Variants in ZBTB46 observed in about 807,000 individuals in gnomAD.
ZBTB46 encodes zinc finger and BTB domain-containing protein 46.
In ZBTB46, 8 loss-of-function variants were observed where a neutral mutation model predicts 44.1. That is an observed-to-expected ratio of 0.18 (90% CI 0.11 to 0.33). ZBTB46 has a LOEUF of 0.33. Ranked by LOEUF, ZBTB46 falls within the 10% of genes least tolerant of loss-of-function variation. ZBTB46 has a pLI of 1.00. For synonymous variants in ZBTB46, 409 were observed against 382.3 expected (o/e 1.07, Z -0.81); for missense variants, 651 against 847.7 (o/e 0.77, Z 2.88).
intron 1 of ZBTB46, among the ~76,000 whole-genome samples, chr20:63,808,842 G>C (rs947905983): frequency 5.3e-5 from 8 of 151,880 alleles, no homozygotes; most frequent in African/African-American, 1.9e-4. Context: ...GCCGGGCGTG[G>C]TGGGGGCGCC....
At chr20:63,826,770 G>A (rs1021165496) in intron 1 of ZBTB46, among the ~76,000 whole-genome samples, 1 of 152,200 alleles carries the variant, frequency 6.6e-6, no homozygotes, top group African/African-American at 2.4e-5. Flanking sequence ...AAGACAGCGA[G>A]TGTCCTTGGG....
intron 3 of ZBTB46, chr20:63,769,528 T>C: frequency 1.2e-6 from 1 of 825,778 alleles, no homozygotes; most frequent in Non-Finnish European, 1.5e-6. Context: ...AGGCAGGTGT[T>C]TGAACGCTTT....
chr20:63,793,174 C>T (rs902355707), intron 1 of ZBTB46, among the ~76,000 whole-genome samples: 1 of 152,236 alleles, frequency 6.6e-6, no homozygotes, highest in African/African-American at 2.4e-5. Context: ...GGCCCCATCC[C>T]GCCCCACACT....
At chr20:63,804,010 CTTCT>C (rs1030834554) in intron 1 of ZBTB46, among the ~76,000 whole-genome samples, 2 of 152,314 alleles carry the variant, frequency 1.3e-5, no homozygotes, top group Admixed American at 6.5e-5. Flanking sequence ...ACGTCACTTC[CTTCT>C]GTCGGGCGTC....
rs2092516196 is a variant in ZBTB46 at position 63,786,585 on chromosome 20, C to A, written c.937+3236G>T. ...GGAGTGCAGTGGCGCGATCTCAGCT[C>A]ACCGCAACCTCCGCCTCCCTGGTTC... On this transcript the variant is annotated intron_variant, in intron 2 of 4. Coordinates refer to ENST00000245663, the MANE Select transcript of ZBTB46 (RefSeq NM_001369741.1). 2.0e-5 allele frequency among the ~76,000 whole-genome samples: 3 copies of A among 152,258 alleles called. No individual in the cohort carries two copies. In the South Asian group the frequency reaches 6.2e-4, roughly 32 times the overall value.
At position 63,767,883 on chromosome 20, in the gene ZBTB46, C is replaced by G; in HGVS notation, c.1222+7795G>C. The G allele has an allele frequency of 2.0e-6, 2 of 984,198 alleles. No individual in the cohort carries two copies. The highest frequency in any genetic ancestry group is 2.4e-6 in the Non-Finnish European group (2 of 828,780). 61.0% of individuals were successfully genotyped at this position (984,198 alleles called of 1,614,324 possible). On this transcript the variant is annotated intron_variant, in intron 3 of 4. Coordinates refer to ENST00000245663, the MANE Select transcript of ZBTB46 (RefSeq NM_001369741.1). This position sits in a 1 kb window ranked among gnomAD's most constrained non-coding sequence, Gnocchi z 5.0. ...AAGAAGACTCCTCAGGCATCCTGGA[C>G]AGGCCACAGGCCCTGCAGAAACCCA...
intron 2 of ZBTB46, among the ~76,000 whole-genome samples, chr20:63,778,661 C>T (rs959586779): frequency 1.3e-4 from 20 of 152,166 alleles, no homozygotes; most frequent in Admixed American, 2.6e-4. Context: ...TTCGGACCGT[C>T]GAGCTACCTA....
intron 1 of ZBTB46, among the ~76,000 whole-genome samples, chr20:63,792,160 G>A (rs1443210623): frequency 1.3e-5 from 2 of 152,136 alleles, no homozygotes; most frequent in African/African-American, 4.8e-5. Flanking sequence ...CAGTGACCCT[G>A]TTTCCAATAA....
intron 1 of ZBTB46, among the ~76,000 whole-genome samples, chr20:63,826,896 G>A (rs1215366458): frequency 1.3e-5 from 2 of 152,218 alleles, no homozygotes; most frequent in Admixed American, 1.3e-4. Context: ...ACGTACAGTG[G>A]CCCTGCCCTC....
intron 1 of ZBTB46, among the ~76,000 whole-genome samples, chr20:63,828,028 C>A (rs991188129): frequency 6.6e-6 from 1 of 152,256 alleles, no homozygotes; most frequent in Non-Finnish European, 1.5e-5. Flanking sequence ...TCAAGCGGCC[C>A]GCCCGCCTCA....
Position 63,790,691 on chromosome 20 carries a change from C to A in ZBTB46, c.67G>T (p.Glu23Ter). The change falls in exon 2 of 5, where the codon GAG becomes TAG. Residue 23 changes from glutamate (E) to a stop codon, truncating the protein, a stop_gained. Coordinates refer to ENST00000245663, the MANE Select transcript of ZBTB46 (RefSeq NM_001369741.1). LOFTEE classifies it high-confidence loss of function. ...CACAGGACGCCGTGCTGCCTCTGCT[C>A]GTTGAGCTCCCGCAGCAGGTGCCGG... ...HYRHLLRELN[E>*]QRQHGVLCDV... The A allele has an allele frequency of 6.2e-7, 1 of 1,611,622 alleles. No homozygotes were observed. Among genetic ancestry groups the A allele is most frequent in the South Asian group, 1.1e-5 (1 of 91,054 alleles).
intron 1 of ZBTB46, among the ~76,000 whole-genome samples, chr20:63,823,783 T>C (rs1204717816): frequency 6.6e-6 from 1 of 151,924 alleles, no homozygotes; most frequent in Non-Finnish European, 1.5e-5. Flanking sequence ...CCAGAACAAG[T>C]TTTCTCGTTG....
chr20:63,748,612 C>T (rs1415034172), intron 4 of ZBTB46, among the ~76,000 whole-genome samples: 1 of 152,214 alleles, frequency 6.6e-6, no homozygotes, highest in Admixed American at 6.5e-5. Flanking sequence ...CAATAGCAAC[C>T]CCTGGCCCCT....
At chr20:63,824,394 A>G (rs2092809170) in intron 1 of ZBTB46, among the ~76,000 whole-genome samples, 1 of 152,180 alleles carries the variant, frequency 6.6e-6, no homozygotes, top group Admixed American at 6.5e-5. Context: ...AATGGCATGG[A>G]AAGAGAACAC....
chr20:63,773,786 G>A (rs1013062091), intron 3 of ZBTB46, among the ~76,000 whole-genome samples: 2 of 152,118 alleles, frequency 1.3e-5, no homozygotes, highest in African/African-American at 4.8e-5. Flanking sequence ...CCCTCCTGAC[G>A]CCCACGAAAC....
At chr20:63,757,917 A>C (rs897320257) in intron 3 of ZBTB46, among the ~76,000 whole-genome samples, 1 of 46,436 alleles carries the variant, frequency 2.2e-5, no homozygotes, top group Non-Finnish European at 4.3e-5. Context: ...CACTCCCTCC[A>C]CCCGCCCCGT....
intron 1 of ZBTB46, among the ~76,000 whole-genome samples, chr20:63,801,533 T>C (rs6011124): frequency 0.18 from 27,899 of 152,154 alleles, 3,159 homozygotes; most frequent in East Asian, 0.45. Flanking sequence ...TCCCCTTTCA[T>C]ACATTGAAAG....
At chr20:63,821,440 C>CTTTT (rs367924517) in intron 1 of ZBTB46, among the ~76,000 whole-genome samples, 1 of 139,478 alleles carries the variant, frequency 7.2e-6, no homozygotes, top group Admixed American at 7.2e-5. Flanking sequence ...AGCAGGCACG[C>CTTTT]TTTTTTTTTT....
rs3068855 is a variant in ZBTB46 at position 63,817,715 on chromosome 20, C to CAAAAA, written c.-34+13377_-34+13381dup. 3.1e-3 allele frequency among the ~76,000 whole-genome samples: 245 copies of CAAAAA among 78,742 alleles called. 1 individual carries two copies. The highest frequency in any genetic ancestry group is 7.6e-3 in the African/African-American group (173 of 22,760). 51.7% of individuals were successfully genotyped at this position (78,742 alleles called of 152,430 possible). On this transcript the variant is annotated intron_variant, in intron 1 of 4. Transcript: ENST00000245663. ...TGGGCAGCAGAGTGAGACTCTGTCT[C>CAAAAA]AAAAAAAAAAAAAAAAGGAAGAAGA...
Sources: gnomAD v4.1 joint callset for allele counts (sites outside exome capture counted in the v4.1 genomes callset) on GRCh38, gnomAD v4.1.1 for gene constraint, Gnocchi (gnomAD v3.1) non-coding constraint, MANE v1.5 for transcripts, NCBI Gene and HGNC (gene_info 2026-07-23, HGNC 2026-07-21) for gene names.